The following EML4 variants were observed in gnomAD, a reference collection of about 807,000 sequenced individuals.
EML4 encodes EMAP like 4.
EML4 carries 72 observed loss-of-function variants against 129.0 expected under a neutral mutation model. That is an observed-to-expected ratio of 0.56 (90% CI 0.46 to 0.68). The LOEUF (loss-of-function observed/expected upper bound fraction) is 0.68, where lower values mean the gene tolerates loss of function less well. Among genes scored for constraint, EML4 ranks in the 30% least tolerant of loss-of-function variants. The pLI, the probability that EML4 is intolerant of heterozygous loss-of-function variation, is 0.00. For synonymous variants in EML4, 532 were observed against 405.0 expected, an observed-to-expected ratio of 1.31 and a Z score of -3.77; for missense variants, 1,363 against 1,190.6, an observed-to-expected ratio of 1.14 and a Z score of -2.13.
chr2:42,198,281 T>C (rs1672013449), intron 1 of EML4, among the ~76,000 whole-genome samples: 1 of 152,096 alleles, frequency 6.6e-6, no homozygotes, highest in African/African-American at 2.4e-5. Context: ...AAATGACCAG[T>C]GGATAGATCA....
In EML4 at chr2:42,264,103, G is replaced by GT. The variant is rs9309080; in HGVS notation, c.642-577dup. Among the ~76,000 whole-genome samples, 689 of 100,798 alleles carry GT rather than the reference G, an allele frequency of 6.8e-3. 141 individuals are homozygous for GT. The highest frequency in any genetic ancestry group is 0.027 in the East Asian group (88 of 3,208). 66.1% of individuals were successfully genotyped at this position (100,798 alleles called of 152,430 possible). ...AAGGCTCCCAACTCAAACAATACGTGTTTTTTTTTTTTTTTTTTTTTTTTT... is the reference window on the plus strand; with the variant it reads ...AAGGCTCCCAACTCAAACAATACGTGTTTTTTTTTTTTTTTTTTTTTTTTTT... On this transcript the variant is annotated intron_variant, in intron 5 of 22. Transcript: ENST00000318522.
chr2:42,190,325 G>T (rs956989160), intron 1 of EML4, among the ~76,000 whole-genome samples: 7 of 152,150 alleles, frequency 4.6e-5, no homozygotes, highest in African/African-American at 9.7e-5. Flanking sequence ...TGCAGGAGTA[G>T]TGATGAAAGA....
intron 1 of EML4, among the ~76,000 whole-genome samples, chr2:42,197,143 G>C (rs1416705668): frequency 3.9e-5 from 6 of 152,106 alleles, no homozygotes; most frequent in African/African-American, 1.2e-4. Flanking sequence ...GATCACTGCA[G>C]CCTTGACCTC....
intron 1 of EML4, among the ~76,000 whole-genome samples, chr2:42,244,106 T>TTTTG (rs1558534279): frequency 1.1e-4 from 5 of 44,404 alleles, no homozygotes; most frequent in Non-Finnish European, 3.2e-4. Context: ...TTTTTGTTTT[T>TTTTG]TTTTTTTTTT....
chr2:42,230,429 CAG>C (rs994095341), intron 1 of EML4, among the ~76,000 whole-genome samples: 3 of 152,052 alleles, frequency 2.0e-5, no homozygotes, highest in South Asian at 2.1e-4. Context: ...TTTTTTGAGA[CAG>C]AGTCTTTTAC....
At chr2:42,312,579 G>A (rs7559643) in intron 17 of EML4, among the ~76,000 whole-genome samples, 87,043 of 150,838 alleles carry the variant, frequency 0.58, 25,917 homozygotes, top group East Asian at 0.74. Context: ...TTTTAGACGG[G>A]GTCTTGCTCT....
At chr2:42,184,995 A>G (rs1671165349) in intron 1 of EML4, among the ~76,000 whole-genome samples, 1 of 152,090 alleles carries the variant, frequency 6.6e-6, no homozygotes, top group Non-Finnish European at 1.5e-5. Flanking sequence ...ATTCTCTTTA[A>G]CTTTTTGTTT....
intron 1 of EML4, among the ~76,000 whole-genome samples, chr2:42,182,455 T>C (rs1353269203): frequency 1.3e-5 from 2 of 152,082 alleles, no homozygotes; most frequent in African/African-American, 4.8e-5. Flanking sequence ...CACCTGGTTG[T>C]TGATACCCTG....
chr2:42,213,442 T>A (rs1351792198), intron 1 of EML4, among the ~76,000 whole-genome samples: 2 of 152,224 alleles, frequency 1.3e-5, no homozygotes, highest in Admixed American at 6.5e-5. Context: ...TATATCATAG[T>A]CCATTTACCC....
intron 1 of EML4, among the ~76,000 whole-genome samples, chr2:42,184,201 C>G (rs984789738): frequency 6.6e-6 from 1 of 151,994 alleles, no homozygotes; most frequent in Admixed American, 6.6e-5. Context: ...ATATGGCCAC[C>G]AGGTTATTCA....
intron 1 of EML4, among the ~76,000 whole-genome samples, chr2:42,236,295 T>G (rs1384185194): frequency 6.6e-6 from 1 of 152,244 alleles, no homozygotes; most frequent in African/African-American, 2.4e-5. Context: ...CTGTTGGTTG[T>G]TAATATCACA....
intron 11 of EML4, among the ~76,000 whole-genome samples, chr2:42,292,724 A>G (rs1029433303): frequency 1.3e-5 from 2 of 152,108 alleles, no homozygotes; most frequent in Non-Finnish European, 2.9e-5. Context: ...TTATTGAGCT[A>G]TGTACTTAAA....
At chr2:42,252,958 T>C (rs575132877) in intron 2 of EML4, among the ~76,000 whole-genome samples, 2 of 152,280 alleles carry the variant, frequency 1.3e-5, no homozygotes, top group African/African-American at 2.4e-5. Context: ...TTGAATTCCT[T>C]GATGTCAGTA....
chr2:42,241,475 C>A (rs1208598147), intron 1 of EML4, among the ~76,000 whole-genome samples: 1 of 152,152 alleles, frequency 6.6e-6, no homozygotes. Flanking sequence ...TCTGGAGAAA[C>A]TGAGATACTT....
In EML4 at chr2:42,271,193, T is replaced by C. The variant is rs979051118; in HGVS notation, c.667+6462T>C. Among the ~76,000 whole-genome samples the C allele has an allele frequency of 2.0e-5, 3 of 152,222 alleles. No homozygotes were observed. In the South Asian group the frequency reaches 6.2e-4, roughly 32 times the overall value. On this transcript the variant is annotated intron_variant, in intron 6 of 22. Coordinates refer to ENST00000318522, the MANE Select transcript of EML4 (RefSeq NM_019063.5). The stretch of plus-strand genomic sequence containing the variant: ...ATGGGCATGAGCCACTGTGCCTGGC[T>C]AGTTCTAAAATTTACATACTGTCCC...
intron 1 of EML4, among the ~76,000 whole-genome samples, chr2:42,221,624 A>T (rs1370861627): frequency 2.0e-5 from 3 of 150,638 alleles, no homozygotes; most frequent in Non-Finnish European, 4.4e-5. Context: ...TTTGTTTTAG[A>T]TGGAGTTTCA....
intron 1 of EML4, among the ~76,000 whole-genome samples, chr2:42,242,524 A>T (rs996639383): frequency 6.6e-6 from 1 of 152,034 alleles, no homozygotes; most frequent in Admixed American, 6.5e-5. Flanking sequence ...TGGAGAACCA[A>T]GGTGGATGGG....
chr2:42,276,680 A>T (rs1462077366), intron 6 of EML4, among the ~76,000 whole-genome samples: 1 of 152,194 alleles, frequency 6.6e-6, no homozygotes, highest in Non-Finnish European at 1.5e-5. Context: ...TTATTTAATC[A>T]CTTATAATTC....
chr2:42,272,762 A>G (rs1217017169), intron 6 of EML4, among the ~76,000 whole-genome samples: 1 of 152,228 alleles, frequency 6.6e-6, no homozygotes, highest in African/African-American at 2.4e-5. Context: ...TACGTATAAG[A>G]TTAGAACGTT....
Sources: allele counts gnomAD v4.1 joint callset (sites outside exome capture counted in the v4.1 genomes callset), GRCh38; gene constraint gnomAD v4.1.1; transcripts MANE v1.5; gene names NCBI Gene and HGNC (gene_info 2026-07-23, HGNC 2026-07-21).